SUPT3H: variants seen among roughly 807,000 people sequenced by gnomAD.
SUPT3H encodes the protein SPT3 homolog, SAGA and STAGA complex component.
SUPT3H carries 44 observed loss-of-function variants against 44.3 expected under a neutral mutation model. The observed-to-expected ratio is 0.99, with a 90% CI of 0.78 to 1.28. The LOEUF is 1.28. Ranked by LOEUF, SUPT3H falls within the 50% of genes most tolerant of loss-of-function variation. The pLI, the probability that SUPT3H is intolerant of heterozygous loss-of-function variation, is 0.00. For missense variants in SUPT3H, 380 were observed against 387.1 expected (o/e 0.98, Z 0.15); for synonymous variants, 124 against 125.6 (o/e 0.99, Z 0.09).
At chr6:45,251,774 C>T (rs887795247) in intron 2 of SUPT3H, among the ~76,000 whole-genome samples, 121 of 151,978 alleles carry the variant, frequency 8.0e-4, no homozygotes, top group African/African-American at 2.7e-3. Flanking sequence ...TTACCATAAA[C>T]GAAAACCAGA....
intron 9 of SUPT3H, among the ~76,000 whole-genome samples, chr6:44,952,912 T>G (rs1251221388): frequency 1.3e-5 from 2 of 152,208 alleles, no homozygotes; most frequent in Non-Finnish European, 2.9e-5. Flanking sequence ...AATGGAAAGT[T>G]ATCAATAAAT....
At chr6:45,341,976 G>C (rs752901931) in intron 2 of SUPT3H, among the ~76,000 whole-genome samples, 1 of 151,858 alleles carries the variant, frequency 6.6e-6, no homozygotes, top group Non-Finnish European at 1.5e-5. Flanking sequence ...ATAACATGGT[G>C]ATTTAGTAGT....
chr6:44,825,820 C>T (rs1767705279), downstream of SUPT3H, among the ~76,000 whole-genome samples: 1 of 151,946 alleles, frequency 6.6e-6, no homozygotes, highest in Non-Finnish European at 1.5e-5. Flanking sequence ...CTTTACCCTC[C>T]TTTGAAAAAA....
At chr6:45,261,139 C>A (rs1239708283) in intron 2 of SUPT3H, among the ~76,000 whole-genome samples, 1 of 151,994 alleles carries the variant, frequency 6.6e-6, no homozygotes, top group Non-Finnish European at 1.5e-5. Flanking sequence ...ACTAGACATA[C>A]AAAGAAGAGC....
chr6:45,259,633 A>G (rs1774022036), intron 2 of SUPT3H, among the ~76,000 whole-genome samples: 1 of 152,142 alleles, frequency 6.6e-6, no homozygotes, highest in African/African-American at 2.4e-5. Flanking sequence ...TAGAAGTATC[A>G]TATTTGTGCT....
At chr6:45,208,728 A>G in intron 2 of SUPT3H, among the ~76,000 whole-genome samples, 1 of 50,948 alleles carries the variant, frequency 2.0e-5, no homozygotes, top group African/African-American at 9.3e-5. Context: ...TGTCTCAAAA[A>G]AAAAAAAAAC....
At chr6:45,294,633 C>T (rs893602642) in intron 2 of SUPT3H, among the ~76,000 whole-genome samples, 6 of 148,500 alleles carry the variant, frequency 4.0e-5, no homozygotes, top group Middle Eastern at 3.5e-3. Flanking sequence ...GCAAAGTTCC[C>T]GGACACAAAA....
At chr6:45,117,962 G>A (rs1489319983) in intron 2 of SUPT3H, among the ~76,000 whole-genome samples, 2 of 151,990 alleles carry the variant, frequency 1.3e-5, no homozygotes, top group Non-Finnish European at 2.9e-5. Flanking sequence ...ATGCCCAGAA[G>A]AAATGTGTTT....
At chr6:44,847,276 A>G (rs1020684136) in intron 10 of SUPT3H, among the ~76,000 whole-genome samples, 5 of 152,206 alleles carry the variant, frequency 3.3e-5, no homozygotes, top group Non-Finnish European at 5.9e-5. Flanking sequence ...GGTCACAATC[A>G]AAGTGTCTAC....
At chr6:45,041,313 G>T (rs1197680320) in intron 3 of SUPT3H, among the ~76,000 whole-genome samples, 1 of 152,182 alleles carries the variant, frequency 6.6e-6, no homozygotes, top group Non-Finnish European at 1.5e-5. Flanking sequence ...TGACCTTTTA[G>T]CTGAGACTTA....
intron 2 of SUPT3H, among the ~76,000 whole-genome samples, chr6:45,282,300 A>C (rs1778278340): frequency 6.7e-6 from 1 of 149,002 alleles, no homozygotes; most frequent in South Asian, 2.2e-4. Flanking sequence ...GAGCTAAAGG[A>C]GGTTCGAACG....
chr6:45,001,551 G>T (rs1782011165), intron 6 of SUPT3H, among the ~76,000 whole-genome samples: 1 of 151,974 alleles, frequency 6.6e-6, no homozygotes, highest in Non-Finnish European at 1.5e-5. Context: ...CAATAGGAAA[G>T]AACTCAGGCT....
intron 2 of SUPT3H, among the ~76,000 whole-genome samples, chr6:45,110,205 G>A (rs187082009): frequency 6.6e-6 from 1 of 152,216 alleles, no homozygotes; most frequent in Admixed American, 6.5e-5. Context: ...TTCAATCCTG[G>A]GATGAAATGT....
At chr6:44,943,778 T>A (rs536450122) in intron 9 of SUPT3H, among the ~76,000 whole-genome samples, 8 of 152,206 alleles carry the variant, frequency 5.3e-5, no homozygotes, top group African/African-American at 1.9e-4. Flanking sequence ...CAGAATTCTG[T>A]ATCTAATGAA....
chr6:44,984,104 T>C (rs1425737921), intron 6 of SUPT3H, among the ~76,000 whole-genome samples: 2 of 152,264 alleles, frequency 1.3e-5, no homozygotes, highest in South Asian at 2.1e-4. Context: ...CTTGCCTCCA[T>C]CTCCGCAAGG....
chr6:44,991,492 G>A (rs1780605736), intron 6 of SUPT3H, among the ~76,000 whole-genome samples: 1 of 145,062 alleles, frequency 6.9e-6, no homozygotes, highest in Non-Finnish European at 1.5e-5. Context: ...AATATTTATG[G>A]CTTAATCCAA....
At chr6:44,990,296 G>A (rs988047732) in intron 6 of SUPT3H, among the ~76,000 whole-genome samples, 4 of 151,974 alleles carry the variant, frequency 2.6e-5, no homozygotes, top group East Asian at 3.9e-4. Flanking sequence ...GACCACATGC[G>A]TGTAGGTTTA....
chr6:44,994,263 A>C (rs954369109), intron 6 of SUPT3H, among the ~76,000 whole-genome samples: 1 of 152,068 alleles, frequency 6.6e-6, no homozygotes, highest in Non-Finnish European at 1.5e-5. Flanking sequence ...TCAATAAATA[A>C]ATGTTTAATA....
At chr6:45,328,223 A>T (rs1562960439) in intron 2 of SUPT3H, 1 of 1,230,456 alleles carries the variant, frequency 8.1e-7, no homozygotes, top group Non-Finnish European at 1.1e-6. Context: ...ACTTTACTTA[A>T]GAGTACTGTG....
Sources: gnomAD v4.1 joint callset for allele counts (sites outside exome capture counted in the v4.1 genomes callset) on GRCh38, gnomAD v4.1.1 for gene constraint, MANE v1.5 for transcripts, NCBI Gene and HGNC (gene_info 2026-07-23, HGNC 2026-07-21) for gene names.